SNORD118: variants seen among roughly 807,000 people sequenced by gnomAD.
SNORD118 encodes small nucleolar RNA, C/D box 118.
chr17:8,173,545 G>T (rs145699731), exon 1 of SNORD118: 8 of 765,232 alleles, frequency 1.0e-5, no homozygotes, highest in African/African-American at 1.7e-5. Flanking sequence ...GTTCTAATCT[G>T]CCCTCCGGAG....
Position 8,173,489 on chromosome 17 carries a change from A to T in SNORD118, n.99T>A, listed in dbSNP as rs757122064. 7.8e-6 allele frequency: 6 copies of T among 765,142 alleles called. No homozygotes were observed. Among genetic ancestry groups the T allele is most frequent in the Admixed American group, 3.4e-5 (2 of 59,004 alleles). The allele number at this position is 765,142 out of a possible 1,614,324, so 47.4% of individuals were successfully genotyped here. On this transcript the variant is annotated non_coding_transcript_exon_variant, in exon 1 of 1. Transcript: ENST00000363593. ...AGCAATCAGGGTGTTGCAAGTCCTGATTACGCAGAGACGTTAATCACGTTT... is the reference window on the plus strand; with the variant it reads ...AGCAATCAGGGTGTTGCAAGTCCTGTTTACGCAGAGACGTTAATCACGTTT...
rs769037861 is a variant in SNORD118, at chr17:8,173,524, C to T, written n.64G>A. ...GACGTTAATCACGTTTCATGCATCT[C>T]CAATCATCATGTTCTAATCTGCCCT... On this transcript the variant is annotated non_coding_transcript_exon_variant, in exon 1 of 1. Transcript: ENST00000363593. 4.6e-5 allele frequency: 35 copies of T among 765,260 alleles called. No individual in the cohort carries two copies. Among genetic ancestry groups the T allele is most frequent in the South Asian group, 1.2e-4 (9 of 74,614 alleles). The allele number at this position is 765,260 out of a possible 1,614,324, so 47.4% of individuals were successfully genotyped here. A position where few individuals can be genotyped will look rare whatever the true frequency, so the allele number is the denominator to read the frequency against.
chr17:8,173,486 C>A, exon 1 of SNORD118: 1 of 765,008 alleles, frequency 1.3e-6, no homozygotes, highest in Non-Finnish European at 2.4e-6. Flanking sequence ...GTTGCAAGTC[C>A]TGATTACGCA....
exon 1 of SNORD118, chr17:8,173,513 T>G (rs533335254): frequency 7.8e-6 from 6 of 765,232 alleles, no homozygotes; most frequent in East Asian, 2.4e-5. Context: ...TTAATCACGT[T>G]TCATGCATCT....
At chr17:8,173,530 A>T (rs752108301) in exon 1 of SNORD118, 10 of 765,336 alleles carry the variant, frequency 1.3e-5, no homozygotes, top group Non-Finnish European at 1.4e-5. Context: ...ATCTCCAATC[A>T]TCATGTTCTA....
chr17:8,173,456 C>CA lies in SNORD118; in HGVS notation n.131dup. 1 of 763,244 alleles carries CA rather than the reference C, an allele frequency of 1.3e-6. No individual in the cohort carries two copies. 47.3% of individuals were successfully genotyped at this position (763,244 alleles called of 1,614,324 possible). ...AATGTAAGTGATCGTCAGAAAGAATCAGACAGGAGCAATCAGGGTGTTGCA... is the reference window on the plus strand; with the variant it reads ...AATGTAAGTGATCGTCAGAAAGAATCAAGACAGGAGCAATCAGGGTGTTGCA... On this transcript the variant is annotated non_coding_transcript_exon_variant, in exon 1 of 1. Coordinates refer to ENST00000363593, the Ensembl canonical transcript of SNORD118.
rs76164795 is a variant in SNORD118 at position 8,173,546 on chromosome 17, C to T, written n.42G>A. On this transcript the variant is annotated non_coding_transcript_exon_variant, in exon 1 of 1. Coordinates refer to ENST00000363593, the Ensembl canonical transcript of SNORD118. The stretch of plus-strand genomic sequence containing the variant: ...TCTCCAATCATCATGTTCTAATCTG[C>T]CCTCCGGAGGAGGAACAGGTAAGGA... 5,862 of 765,314 alleles carry T rather than the reference C, an allele frequency of 7.7e-3. 224 individuals carry two copies. The African/African-American group carries it at 0.082, about 11-fold the overall frequency. 47.4% of individuals were successfully genotyped at this position (765,314 alleles called of 1,614,324 possible).
chr17:8,173,452 G>T (rs117595965), downstream of SNORD118: 3 of 762,934 alleles, frequency 3.9e-6, 1 homozygote, highest in South Asian at 2.7e-5. Flanking sequence ...TCGTCAGAAA[G>T]AATCAGACAG....
rs186890613 is a variant in SNORD118, at chr17:8,173,470, C to G, written n.118G>C. 22 of 764,528 alleles carry G rather than the reference C, an allele frequency of 2.9e-5. No homozygotes were observed. Among genetic ancestry groups the G allele is most frequent in the South Asian group, 4.0e-5 (3 of 74,530 alleles). The allele number at this position is 764,528 out of a possible 1,614,324, so 47.4% of individuals were successfully genotyped here. On this transcript the variant is annotated non_coding_transcript_exon_variant, in exon 1 of 1. Coordinates refer to ENST00000363593, the Ensembl canonical transcript of SNORD118. ...TCAGAAAGAATCAGACAGGAGCAATCAGGGTGTTGCAAGTCCTGATTACGC... is the reference window on the plus strand; with the variant it reads ...TCAGAAAGAATCAGACAGGAGCAATGAGGGTGTTGCAAGTCCTGATTACGC...
In SNORD118 at chr17:8,173,541, A is replaced by G. The variant is rs201264521; in HGVS notation, n.47T>C. 90 of 765,336 alleles carry G rather than the reference A, an allele frequency of 1.2e-4. 2 individuals are homozygous for G. The highest frequency in any genetic ancestry group is 1.1e-3 in the Middle Eastern group (5 of 4,448). 47.4% of individuals were successfully genotyped at this position (765,336 alleles called of 1,614,324 possible). On this transcript the variant is annotated non_coding_transcript_exon_variant, in exon 1 of 1. Transcript: ENST00000363593. The stretch of plus-strand genomic sequence containing the variant: ...ATGCATCTCCAATCATCATGTTCTA[A>G]TCTGCCCTCCGGAGGAGGAACAGGT...
At chr17:8,173,554 A>G (rs142684790) in exon 1 of SNORD118, 18 of 765,242 alleles carry the variant, frequency 2.4e-5, no homozygotes, top group South Asian at 1.3e-4. Context: ...TGCCCTCCGG[A>G]GGAGGAACAG....
chr17:8,173,542 T>TA (rs762833917), exon 1 of SNORD118: 31 of 765,314 alleles, frequency 4.1e-5, no homozygotes, highest in Middle Eastern at 2.3e-4. Context: ...CATGTTCTAA[T>TA]CTGCCCTCCG....
rs368022715 is a variant in SNORD118 at position 8,173,565 on chromosome 17, G to A, written n.23C>T. 3.0e-4 allele frequency: 232 copies of A among 765,264 alleles called. No individual in the cohort carries two copies. The highest frequency in any genetic ancestry group is 5.9e-4 in the African/African-American group (35 of 59,240). The allele number at this position is 765,264 out of a possible 1,614,324, so 47.4% of individuals were successfully genotyped here. On this transcript the variant is annotated non_coding_transcript_exon_variant, in exon 1 of 1. Coordinates refer to ENST00000363593, the Ensembl canonical transcript of SNORD118. ...AATCTGCCCTCCGGAGGAGGAACAG[G>A]TAAGGATTATCCCACCTGACGATAC...
chr17:8,173,484 T>TGATTACGCAGAGGGTGTTGCAAGA, exon 1 of SNORD118: 1 of 764,216 alleles, frequency 1.3e-6, no homozygotes, highest in Non-Finnish European at 2.4e-6. Context: ...GTGTTGCAAG[T>TGATTACGCAGAGGGTGTTGCAAGA]CCTGATTACG....
In SNORD118 at chr17:8,173,492, A is replaced by G. The variant is rs748365395; in HGVS notation, n.96T>C. ...AATCAGGGTGTTGCAAGTCCTGATT[A>G]CGCAGAGACGTTAATCACGTTTCAT... On this transcript the variant is annotated non_coding_transcript_exon_variant, in exon 1 of 1. Transcript: ENST00000363593. 2.2e-5 allele frequency: 17 copies of G among 765,216 alleles called. No homozygotes were observed. The highest frequency in any genetic ancestry group is 2.4e-4 in the Middle Eastern group (1 of 4,220). The allele number at this position is 765,216 out of a possible 1,614,324, so 47.4% of individuals were successfully genotyped here.
In SNORD118 at chr17:8,173,549, T is replaced by TA. The variant is rs766324574; in HGVS notation, n.38_39insT. 7.8e-5 allele frequency: 60 copies of TA among 765,220 alleles called. 1 individual carries two copies. The highest frequency in any genetic ancestry group is 7.2e-4 in the South Asian group (54 of 74,618). 47.4% of individuals were successfully genotyped at this position (765,220 alleles called of 1,614,324 possible). A position where few individuals can be genotyped will look rare whatever the true frequency, so the allele number is the denominator to read the frequency against. On this transcript the variant is annotated non_coding_transcript_exon_variant, in exon 1 of 1. Coordinates refer to ENST00000363593, the Ensembl canonical transcript of SNORD118. Reference sequence around the variant, plus strand: ...CCAATCATCATGTTCTAATCTGCCCTCCGGAGGAGGAACAGGTAAGGATTA... The same window carrying TA: ...CCAATCATCATGTTCTAATCTGCCCTACCGGAGGAGGAACAGGTAAGGATTA...
rs146092673 is a variant in SNORD118, at chr17:8,173,537, T to C, written n.51A>G. ...TTTCATGCATCTCCAATCATCATGTTCTAATCTGCCCTCCGGAGGAGGAAC... is the reference window on the plus strand; with the variant it reads ...TTTCATGCATCTCCAATCATCATGTCCTAATCTGCCCTCCGGAGGAGGAAC... On this transcript the variant is annotated non_coding_transcript_exon_variant, in exon 1 of 1. Transcript: ENST00000363593. 2.4e-3 allele frequency: 1,802 copies of C among 765,422 alleles called. 16 individuals are homozygous for C. The highest frequency in any genetic ancestry group is 0.01 in the South Asian group (758 of 74,610). The allele number at this position is 765,422 out of a possible 1,614,324, so 47.4% of individuals were successfully genotyped here.
At chr17:8,173,544 T>A (rs143605147) in exon 1 of SNORD118, 1 of 765,382 alleles carries the variant, frequency 1.3e-6, no homozygotes, top group Non-Finnish European at 2.4e-6. Context: ...TGTTCTAATC[T>A]GCCCTCCGGA....
At position 8,173,470 on chromosome 17, in the gene SNORD118, C is replaced by A. The variant is rs186890613; in HGVS notation, n.118G>T. ...TCAGAAAGAATCAGACAGGAGCAAT[C>A]AGGGTGTTGCAAGTCCTGATTACGC... On this transcript the variant is annotated non_coding_transcript_exon_variant, in exon 1 of 1. Coordinates refer to ENST00000363593, the Ensembl canonical transcript of SNORD118. The A allele has an allele frequency of 3.9e-6, 3 of 764,528 alleles. No individual in the cohort carries two copies. The highest frequency in any genetic ancestry group is 2.4e-5 in the East Asian group (1 of 41,238). 47.4% of individuals were successfully genotyped at this position (764,528 alleles called of 1,614,324 possible). A position where few individuals can be genotyped will look rare whatever the true frequency, so the allele number is the denominator to read the frequency against.
Sources: allele counts gnomAD v4.1 joint callset, GRCh38; gene constraint gnomAD v4.1.1; transcripts MANE v1.5; gene names NCBI Gene and HGNC (gene_info 2026-07-23, HGNC 2026-07-21).